The following NXPE4 variants were observed in gnomAD, a reference collection of about 807,000 sequenced individuals.
NXPE4 encodes the protein neurexophilin and PC-esterase domain family member 4, also known as NXPE family member 4.
A neutral mutation model predicts 33.3 loss-of-function variants in NXPE4; 42 were observed. The observed-to-expected ratio is 1.26, with a 90% confidence interval of 0.98 to 1.63. The LOEUF is 1.63. Among genes scored for constraint, NXPE4 ranks in the 40% most tolerant of loss-of-function variants. The probability of loss-of-function intolerance (pLI) is 0.00; values close to 1 mark genes in which losing one functional copy is unlikely to be tolerated. For synonymous variants in NXPE4, 253 were observed against 234.9 expected, an observed-to-expected ratio of 1.08 and a Z score of -0.71; for missense variants, 709 against 647.6, an observed-to-expected ratio of 1.09 and a Z score of -1.03.
the NXPE4 span, among the ~76,000 whole-genome samples, chr11:114,633,220 A>G: frequency 1.5e-5 from 2 of 132,586 alleles, no homozygotes; most frequent in Admixed American, 1.6e-4. Flanking sequence ...ATTACATTAT[A>G]TATATAAATA....
chr11:114,626,787 T>A, the NXPE4 span, among the ~76,000 whole-genome samples: 1 of 152,052 alleles, frequency 6.6e-6, no homozygotes. Flanking sequence ...TTTAGAATAA[T>A]GTATAACTAG....
chr11:114,675,522 G>T, the NXPE4 span, among the ~76,000 whole-genome samples: 1 of 151,624 alleles, frequency 6.6e-6, no homozygotes, highest in East Asian at 1.9e-4. Context: ...TAAACTATCT[G>T]AAAAAGAAAT....
At chr11:114,635,481 G>T in the NXPE4 span, among the ~76,000 whole-genome samples, 1 of 151,784 alleles carries the variant, frequency 6.6e-6, no homozygotes, top group Non-Finnish European at 1.5e-5. Flanking sequence ...AATTGCCCTG[G>T]CCAGAACTTC....
chr11:114,667,447 T>C, the NXPE4 span, among the ~76,000 whole-genome samples: 1 of 152,086 alleles, frequency 6.6e-6, no homozygotes, highest in Non-Finnish European at 1.5e-5. Context: ...AAGATGTCCA[T>C]AAATTCTTTG....
the NXPE4 span, among the ~76,000 whole-genome samples, chr11:114,605,980 G>A: frequency 2.0e-5 from 3 of 151,430 alleles, no homozygotes; most frequent in East Asian, 5.9e-4. Context: ...GGTAACCATT[G>A]TTACCAGGTG....
the NXPE4 span, among the ~76,000 whole-genome samples, chr11:114,671,013 A>G: frequency 6.7e-6 from 1 of 149,404 alleles, no homozygotes; most frequent in Non-Finnish European, 1.5e-5. Flanking sequence ...TACCCCATCA[A>G]GGAGAGATTG....
At chr11:114,620,914 A>G in the NXPE4 span, among the ~76,000 whole-genome samples, 54 of 152,296 alleles carry the variant, frequency 3.5e-4, no homozygotes, top group African/African-American at 1.2e-3. Flanking sequence ...CCCTGTGGAC[A>G]ATAAGCATTG....
the NXPE4 span, among the ~76,000 whole-genome samples, chr11:114,638,914 G>T: frequency 6.6e-6 from 1 of 152,042 alleles, no homozygotes; most frequent in African/African-American, 2.4e-5. Flanking sequence ...GGGGGTCAGG[G>T]GTCAGGGACC....
chr11:114,599,929 AAAATCTATGAGTTCAT>A (rs1158805849), upstream of NXPE4, among the ~76,000 whole-genome samples: 2 of 152,182 alleles, frequency 1.3e-5, no homozygotes, highest in Non-Finnish European at 2.9e-5. Context: ...GGAATTAAAA[AAAATCTATGAGTTCAT>A]ATCTATACAA....
the NXPE4 span, among the ~76,000 whole-genome samples, chr11:114,633,585 G>T: frequency 4.6e-5 from 7 of 151,370 alleles, no homozygotes; most frequent in Admixed American, 4.6e-4. Context: ...TTAGCATTAG[G>T]TATATCTCAT....
chr11:114,638,519 C>T, the NXPE4 span, among the ~76,000 whole-genome samples: 1 of 152,008 alleles, frequency 6.6e-6, no homozygotes, highest in African/African-American at 2.4e-5. Flanking sequence ...GAACTGTGTT[C>T]CTTTCGAGGA....
chr11:114,597,787 C>T (rs913191491), upstream of NXPE4, among the ~76,000 whole-genome samples: 3 of 152,098 alleles, frequency 2.0e-5, no homozygotes, highest in African/African-American at 7.2e-5. Flanking sequence ...CCTGAAAGAG[C>T]TCCTGATGAC....
At chr11:114,660,573 T>A in the NXPE4 span, among the ~76,000 whole-genome samples, 1 of 151,888 alleles carries the variant, frequency 6.6e-6, no homozygotes, top group East Asian at 1.9e-4. Context: ...TTCTTCATAA[T>A]GAAAAGTTAT....
At chr11:114,645,214 T>C in the NXPE4 span, among the ~76,000 whole-genome samples, 1 of 151,934 alleles carries the variant, frequency 6.6e-6, no homozygotes, top group Non-Finnish European at 1.5e-5. Flanking sequence ...GGCAGGAGAA[T>C]CACTTGAACC....
At chr11:114,677,359 A>G in the NXPE4 span, among the ~76,000 whole-genome samples, 2 of 152,260 alleles carry the variant, frequency 1.3e-5, no homozygotes, top group East Asian at 3.9e-4. Flanking sequence ...CAATGTCTGC[A>G]TACATCAAAA....
At chr11:114,650,793 C>CT in the NXPE4 span, among the ~76,000 whole-genome samples, 1 of 151,834 alleles carries the variant, frequency 6.6e-6, no homozygotes, top group East Asian at 1.9e-4. Context: ...GAAAGACTCT[C>CT]TCTAAGTTCC....
At chr11:114,663,613 CTATCT>C in the NXPE4 span, among the ~76,000 whole-genome samples, 4 of 98,258 alleles carry the variant, frequency 4.1e-5, no homozygotes, top group African/African-American at 1.1e-4. Flanking sequence ...ATCTATCTAT[CTATCT>C]ATCTATCTAT....
chr11:114,645,752 C>A, the NXPE4 span, among the ~76,000 whole-genome samples: 1 of 152,010 alleles, frequency 6.6e-6, no homozygotes, highest in African/African-American at 2.4e-5. Flanking sequence ...ATGACTAATA[C>A]GTATATGTGA....
At chr11:114,665,260 C>A in the NXPE4 span, among the ~76,000 whole-genome samples, 588 of 152,156 alleles carry the variant, frequency 3.9e-3, 4 homozygotes, top group Non-Finnish European at 6.6e-3. Context: ...TTCTCTCAAC[C>A]AGCTTTAAGT....
Sources: allele counts gnomAD v4.1 joint callset (sites outside exome capture counted in the v4.1 genomes callset), GRCh38; gene constraint gnomAD v4.1.1; transcripts MANE v1.5; gene names NCBI Gene and HGNC (gene_info 2026-07-23, HGNC 2026-07-21).